The following CATSPERT variants were observed in gnomAD, a reference collection of about 807,000 sequenced individuals.
CATSPERT encodes catsper channel auxiliary subunit tau, also known as cation channel sperm-associated targeting subunit tau.
chr2:201,604,616 C>A, the CATSPERT span: 1 of 1,592,142 alleles, frequency 6.3e-7, no homozygotes, highest in Admixed American at 1.8e-5. Flanking sequence ...CATACCACAT[C>A]CCCAAATGGC....
chr2:201,493,326 A>C, the CATSPERT span: 1 of 1,536,760 alleles, frequency 6.5e-7, no homozygotes. Context: ...GTATAAATTC[A>C]GCTCTACTAA....
the CATSPERT span, chr2:201,492,731 T>C: frequency 2.6e-6 from 4 of 1,535,408 alleles, no homozygotes; most frequent in Admixed American, 7.9e-5. Context: ...TCTTTCACAG[T>C]TTCAGAATAT....
the CATSPERT span, among the ~76,000 whole-genome samples, chr2:201,589,679 C>T: frequency 1.3e-5 from 2 of 152,062 alleles, no homozygotes; most frequent in Non-Finnish European, 2.9e-5. Context: ...CTAAGCAATA[C>T]CATTCAGGAC....
chr2:201,603,090 T>A, the CATSPERT span: 1 of 657,028 alleles, frequency 1.5e-6, no homozygotes, highest in Non-Finnish European at 2.5e-6. Context: ...AAATAGTGAA[T>A]GAACAGTAGT....
At chr2:201,518,711 T>C in the CATSPERT span, among the ~76,000 whole-genome samples, 9 of 152,208 alleles carry the variant, frequency 5.9e-5, no homozygotes, top group South Asian at 2.1e-4. Context: ...ATGAATTCAG[T>C]TGGTAATAAT....
chr2:201,491,259 T>C, the CATSPERT span: 2 of 1,537,798 alleles, frequency 1.3e-6, no homozygotes. Context: ...TGGTTGGTAG[T>C]ATCCTGACTA....
chr2:201,527,177 A>T, the CATSPERT span, among the ~76,000 whole-genome samples: 1 of 152,192 alleles, frequency 6.6e-6, no homozygotes, highest in African/African-American at 2.4e-5. Context: ...ATAAGAGTAA[A>T]ATACCTAGAA....
At chr2:201,491,724 A>G in the CATSPERT span, 3 of 1,537,092 alleles carry the variant, frequency 2.0e-6, no homozygotes, top group Non-Finnish European at 2.6e-6. Flanking sequence ...TTTCCTGAAC[A>G]GTCCATTTAT....
chr2:201,578,006 AAATG>A, the CATSPERT span, among the ~76,000 whole-genome samples: 2 of 152,152 alleles, frequency 1.3e-5, no homozygotes, highest in Admixed American at 6.5e-5. Flanking sequence ...AAGTAAAAAT[AAATG>A]ATCAGCTAAA....
At chr2:201,609,631 T>C in the CATSPERT span, among the ~76,000 whole-genome samples, 1 of 152,216 alleles carries the variant, frequency 6.6e-6, no homozygotes, top group South Asian at 2.1e-4. Flanking sequence ...TTAAAAAATT[T>C]CTTGAAACTC....
At chr2:201,562,187 CT>C in the CATSPERT span, among the ~76,000 whole-genome samples, 107 of 121,240 alleles carry the variant, frequency 8.8e-4, no homozygotes, top group East Asian at 1.7e-3. Flanking sequence ...TCTAATAATT[CT>C]TTTTTTTTTT....
the CATSPERT span, among the ~76,000 whole-genome samples, chr2:201,611,779 G>A: frequency 2.6e-5 from 4 of 151,886 alleles, no homozygotes; most frequent in African/African-American, 9.7e-5. Context: ...AACAATTAAA[G>A]GATTTTTGAA....
At chr2:201,540,735 CAT>C in the CATSPERT span, among the ~76,000 whole-genome samples, 1 of 152,220 alleles carries the variant, frequency 6.6e-6, no homozygotes, top group Non-Finnish European at 1.5e-5. Context: ...TGCCTGCAAA[CAT>C]AGATCCATTC....
chr2:201,596,572 A>G, the CATSPERT span, among the ~76,000 whole-genome samples: 1 of 152,202 alleles, frequency 6.6e-6, no homozygotes, highest in Non-Finnish European at 1.5e-5. Flanking sequence ...AGAACTTAAA[A>G]GTTAAAAAAA....
the CATSPERT span, chr2:201,492,993 A>G: frequency 1.3e-6 from 2 of 1,536,332 alleles, no homozygotes; most frequent in African/African-American, 2.7e-5. Flanking sequence ...CTTTATCAAA[A>G]TCCTCTTGGA....
chr2:201,568,684 T>C, the CATSPERT span, among the ~76,000 whole-genome samples: 2 of 152,112 alleles, frequency 1.3e-5, no homozygotes, highest in African/African-American at 2.4e-5. Flanking sequence ...CATTCCTGTG[T>C]TTTTCAGGTC....
chr2:201,610,566 C>G, the CATSPERT span, among the ~76,000 whole-genome samples: 1 of 151,996 alleles, frequency 6.6e-6, no homozygotes, highest in Non-Finnish European at 1.5e-5. Flanking sequence ...TCTCCTCAAA[C>G]TATTTCAAAA....
chr2:201,561,844 C>A, the CATSPERT span, among the ~76,000 whole-genome samples: 1 of 150,362 alleles, frequency 6.7e-6, no homozygotes, highest in African/African-American at 2.4e-5. Context: ...ACTGCACTCC[C>A]GCCTGGGTGA....
the CATSPERT span, among the ~76,000 whole-genome samples, chr2:201,614,080 T>A: frequency 6.6e-6 from 1 of 152,208 alleles, no homozygotes; most frequent in African/African-American, 2.4e-5. Flanking sequence ...AATCTATCTC[T>A]GATTGGTGTA....
Sources: gnomAD v4.1 joint callset for allele counts (sites outside exome capture counted in the v4.1 genomes callset) on GRCh38, gnomAD v4.1.1 for gene constraint, MANE v1.5 for transcripts, NCBI Gene and HGNC (gene_info 2026-07-23, HGNC 2026-07-21) for gene names.